Variants in HYCC2 observed in about 807,000 individuals in gnomAD.
HYCC2 encodes the protein hyccin 2.
the HYCC2 span, chr2:200,988,457 T>G: frequency 6.5e-7 from 1 of 1,539,768 alleles, no homozygotes; most frequent in Non-Finnish European, 8.9e-7. Context: ...AAGTTTACAA[T>G]CAATATGCAG....
At chr2:201,056,009 A>G in the HYCC2 span, among the ~76,000 whole-genome samples, 2 of 152,136 alleles carry the variant, frequency 1.3e-5, no homozygotes, top group African/African-American at 4.8e-5. Context: ...TAACACGGTG[A>G]AACCCCGTCT....
the HYCC2 span, among the ~76,000 whole-genome samples, chr2:201,042,218 G>A: frequency 6.6e-6 from 1 of 152,198 alleles, no homozygotes; most frequent in Admixed American, 6.5e-5. Flanking sequence ...TCGGCCTCCC[G>A]AGGTGCCGGG....
the HYCC2 span, among the ~76,000 whole-genome samples, chr2:201,053,978 A>C: frequency 2.6e-5 from 4 of 152,236 alleles, no homozygotes; most frequent in Admixed American, 6.5e-5. Flanking sequence ...ACAAACAAAC[A>C]AACCTTACCT....
At chr2:201,051,826 G>A in the HYCC2 span, among the ~76,000 whole-genome samples, 8 of 152,068 alleles carry the variant, frequency 5.3e-5, no homozygotes, top group African/African-American at 1.9e-4. Flanking sequence ...AAAACTGTAA[G>A]GTCCTGGCAC....
chr2:200,994,163 T>C, the HYCC2 span, among the ~76,000 whole-genome samples: 1 of 152,206 alleles, frequency 6.6e-6, no homozygotes, highest in African/African-American at 2.4e-5. Flanking sequence ...GGTATTTACA[T>C]TACATATATT....
At chr2:201,058,413 G>A in the HYCC2 span, among the ~76,000 whole-genome samples, 2 of 152,184 alleles carry the variant, frequency 1.3e-5, no homozygotes, top group African/African-American at 4.8e-5. Flanking sequence ...GTCACCAATA[G>A]AAATCACAGG....
chr2:201,026,226 C>A, the HYCC2 span, among the ~76,000 whole-genome samples: 1 of 152,176 alleles, frequency 6.6e-6, no homozygotes, highest in Non-Finnish European at 1.5e-5. Flanking sequence ...AAGGCCATTA[C>A]ATGATGGTAA....
the HYCC2 span, among the ~76,000 whole-genome samples, chr2:201,059,705 T>C: frequency 2.6e-5 from 4 of 152,080 alleles, no homozygotes; most frequent in Admixed American, 2.0e-4. Flanking sequence ...CAACAGCCCA[T>C]AGTACTCAAC....
At chr2:201,030,566 T>C in the HYCC2 span, among the ~76,000 whole-genome samples, 2 of 151,728 alleles carry the variant, frequency 1.3e-5, no homozygotes, top group South Asian at 2.1e-4. Flanking sequence ...CAAAGATCTA[T>C]AGATCTATCT....
At chr2:200,988,364 C>T in the HYCC2 span, 2 of 1,613,634 alleles carry the variant, frequency 1.2e-6, no homozygotes, top group South Asian at 2.2e-5. Context: ...ACTTTCTGGC[C>T]TTCTTGTGTA....
At chr2:201,045,225 G>A in the HYCC2 span, among the ~76,000 whole-genome samples, 2 of 152,134 alleles carry the variant, frequency 1.3e-5, no homozygotes, top group Non-Finnish European at 2.9e-5. Flanking sequence ...GGACAGCATC[G>A]ATCTAGATGT....
chr2:201,011,522 G>T, the HYCC2 span: 1 of 1,013,146 alleles, frequency 9.9e-7, no homozygotes, highest in Non-Finnish European at 1.4e-6. Context: ...AGATCTACAC[G>T]AAATAATAAT....
At chr2:201,033,880 T>C in the HYCC2 span, among the ~76,000 whole-genome samples, 14 of 152,090 alleles carry the variant, frequency 9.2e-5, no homozygotes, top group Non-Finnish European at 1.6e-4. Flanking sequence ...TCTTTTAATT[T>C]GATATATACT....
At chr2:201,033,672 G>A in the HYCC2 span, among the ~76,000 whole-genome samples, 2 of 151,870 alleles carry the variant, frequency 1.3e-5, no homozygotes, top group Non-Finnish European at 2.9e-5. Context: ...CCAAAGTGCT[G>A]GGATTACAGG....
At chr2:200,989,322 T>C in the HYCC2 span, among the ~76,000 whole-genome samples, 96 of 152,264 alleles carry the variant, frequency 6.3e-4, 1 homozygote, top group East Asian at 0.018. Flanking sequence ...AAACTATTAA[T>C]TTAAAGAGAT....
chr2:200,988,133 T>C, the HYCC2 span: 1 of 593,532 alleles, frequency 1.7e-6, no homozygotes. Flanking sequence ...ACATTTCTAG[T>C]GATATTTTTA....
At chr2:200,990,475 T>C in the HYCC2 span, among the ~76,000 whole-genome samples, 7,864 of 152,098 alleles carry the variant, frequency 0.052, 465 homozygotes, top group African/African-American at 0.14. Flanking sequence ...GATCTCAGCC[T>C]ACTGCAACCT....
the HYCC2 span, among the ~76,000 whole-genome samples, chr2:200,987,717 G>T: frequency 2.0e-5 from 3 of 152,168 alleles, no homozygotes; most frequent in African/African-American, 7.2e-5. Flanking sequence ...TGTGAGGTTT[G>T]CAAATGAATT....
the HYCC2 span, among the ~76,000 whole-genome samples, chr2:201,013,875 A>G: frequency 6.6e-6 from 1 of 152,336 alleles, no homozygotes; most frequent in South Asian, 2.1e-4. Context: ...AGAAATATAC[A>G]ACTCCCCCTG....
Sources: allele counts gnomAD v4.1 joint callset (sites outside exome capture counted in the v4.1 genomes callset), GRCh38; gene constraint gnomAD v4.1.1; transcripts MANE v1.5; gene names NCBI Gene and HGNC (gene_info 2026-07-23, HGNC 2026-07-21).